Variants in IQCK observed in about 807,000 individuals in gnomAD.
IQCK encodes the protein IQ motif containing K, also known as IQ domain-containing protein K.
In IQCK, 29 loss-of-function variants were observed where a neutral mutation model predicts 28.1. The observed-to-expected ratio is 1.03, with a 90% CI of 0.77 to 1.41. The LOEUF is 1.41. IQCK is among the 40% of genes most tolerant of loss of function. IQCK has a pLI of 0.00. For missense variants in IQCK, 359 were observed against 314.7 expected, an observed-to-expected ratio of 1.14 and a Z score of -1.07; for synonymous variants, 113 against 115.1, an observed-to-expected ratio of 0.98 and a Z score of 0.12.
chr16:19,825,208 G>T lies in IQCK; in HGVS notation c.691-1818G>T, dbSNP rs2056131064. 5.9e-5 allele frequency among the ~76,000 whole-genome samples: 9 copies of T among 152,104 alleles called. No homozygotes were observed. The highest frequency in any genetic ancestry group is 4.6e-4 in the Admixed American group (7 of 15,264). On this transcript the variant is annotated intron_variant, in intron 7 of 7. Coordinates refer to ENST00000564186, the Ensembl canonical transcript of IQCK. This position sits in a 1 kb window ranked among gnomAD's most constrained non-coding sequence, Gnocchi z 4.2. ...GGAGATAATCATTCCTGCCTTATTG[G>T]CTTGGCTTAGTGATTCAAATTTGTA... is the stretch of plus-strand genomic sequence containing the variant.
intron 6 of IQCK, among the ~76,000 whole-genome samples, chr16:19,773,825 G>A (rs1455335003): frequency 6.6e-6 from 1 of 152,206 alleles, no homozygotes; most frequent in Non-Finnish European, 1.5e-5. Context: ...TAAGTAGTAG[G>A]TGGGAAAGAT....
chr16:19,734,444 A>C (rs1286462107), intron 3 of IQCK, among the ~76,000 whole-genome samples: 1 of 139,804 alleles, frequency 7.2e-6, no homozygotes, highest in Non-Finnish European at 1.5e-5. Context: ...TGGGCAACAG[A>C]CTAAGACTCC....
intron 9 of IQCK, among the ~76,000 whole-genome samples, chr16:19,840,740 G>A (rs1366050073): frequency 6.6e-6 from 1 of 152,146 alleles, no homozygotes; most frequent in African/African-American, 2.4e-5. Context: ...CAAAAACATA[G>A]CAGAACCAAG....
intron 9 of IQCK, among the ~76,000 whole-genome samples, chr16:19,844,739 A>G (rs1398253211): frequency 6.6e-6 from 1 of 152,186 alleles, no homozygotes; most frequent in East Asian, 1.9e-4. Context: ...CATGTTTGGT[A>G]AAAACAATAA....
chr16:19,727,413 C>G (rs1042424341), intron 1 of IQCK, among the ~76,000 whole-genome samples: 9 of 151,996 alleles, frequency 5.9e-5, no homozygotes, highest in African/African-American at 2.2e-4. Context: ...ACGGTGAAAC[C>G]CCATCTCTAC....
intron 4 of IQCK, among the ~76,000 whole-genome samples, chr16:19,747,000 C>T (rs1196777964): frequency 6.6e-6 from 1 of 152,220 alleles, no homozygotes; most frequent in African/African-American, 2.4e-5. Flanking sequence ...AAGCATTGGT[C>T]AGGCATCGTG....
intron 1 of IQCK, among the ~76,000 whole-genome samples, chr16:19,729,097 T>C (rs569584926): frequency 6.6e-6 from 1 of 152,360 alleles, no homozygotes; most frequent in South Asian, 2.1e-4. Flanking sequence ...CTGTCAGTCA[T>C]GGTTGTTGCA....
At chr16:19,814,220 C>CAAAAA (rs71146272) in intron 7 of IQCK, among the ~76,000 whole-genome samples, 1 of 19,436 alleles carries the variant, frequency 5.1e-5, no homozygotes, top group Non-Finnish European at 1.0e-4. Context: ...AACTCTATCT[C>CAAAAA]AAAAAAAAAA....
intron 4 of IQCK, among the ~76,000 whole-genome samples, chr16:19,740,980 A>G (rs1422800505): frequency 6.6e-6 from 1 of 151,586 alleles, no homozygotes; most frequent in Non-Finnish European, 1.5e-5. Flanking sequence ...AAAAAAAAAA[A>G]AAAGAATATC....
chr16:19,730,719 ATCTATCTG>A (rs1364318679), intron 2 of IQCK, among the ~76,000 whole-genome samples: 1 of 148,298 alleles, frequency 6.7e-6, no homozygotes, highest in African/African-American at 2.6e-5. Flanking sequence ...TTGTCTGTCT[ATCTATCTG>A]TCTGTCTGTC....
intron 7 of IQCK, among the ~76,000 whole-genome samples, chr16:19,810,835 G>A (rs575718554): frequency 1.3e-5 from 2 of 151,906 alleles, no homozygotes; most frequent in South Asian, 4.2e-4. Flanking sequence ...AATGGGGATG[G>A]CAATAGTTTC....
chr16:19,824,176 C>T (rs1370295906), intron 7 of IQCK, among the ~76,000 whole-genome samples: 2 of 152,086 alleles, frequency 1.3e-5, no homozygotes, highest in East Asian at 3.9e-4. Context: ...GAATCAGTGG[C>T]AACCCTGAGC....
intron 7 of IQCK, among the ~76,000 whole-genome samples, chr16:19,812,749 G>A (rs1223212940): frequency 6.6e-6 from 1 of 152,066 alleles, no homozygotes; most frequent in African/African-American, 2.4e-5. Flanking sequence ...GTGGCAATTT[G>A]AGACTATAAA....
chr16:19,783,430 A>G (rs997223078), intron 6 of IQCK, among the ~76,000 whole-genome samples: 3 of 152,172 alleles, frequency 2.0e-5, no homozygotes, highest in African/African-American at 7.2e-5. Flanking sequence ...CCGTCTGAAC[A>G]TGCAAAAACG....
chr16:19,732,484 T>C lies in IQCK; in HGVS notation c.247-1214T>C, dbSNP rs529394332. 1.3e-3 allele frequency among the ~76,000 whole-genome samples: 196 copies of C among 152,268 alleles called. 1 individual carries two copies. The highest frequency in any genetic ancestry group is 4.4e-3 in the African/African-American group (181 of 41,560). On this transcript the variant is annotated intron_variant, in intron 2 of 7. Coordinates refer to ENST00000564186, the Ensembl canonical transcript of IQCK. Reference sequence around the variant, plus strand: ...GCGGCAGGAGGGTCTCTAAATCAACTTTTTCTTTCTTTCTTTTTGAGACAG... The same window carrying C: ...GCGGCAGGAGGGTCTCTAAATCAACCTTTTCTTTCTTTCTTTTTGAGACAG...
chr16:19,808,667 A>G (rs898228447), intron 7 of IQCK, among the ~76,000 whole-genome samples: 1 of 152,334 alleles, frequency 6.6e-6, no homozygotes, highest in Non-Finnish European at 1.5e-5. Context: ...GAGGAAAATG[A>G]AAATGCGGGG....
chr16:19,752,763 C>T (rs562444519), intron 4 of IQCK, among the ~76,000 whole-genome samples: 2 of 152,226 alleles, frequency 1.3e-5, no homozygotes, highest in East Asian at 3.9e-4. Context: ...GGGGCTTTGC[C>T]ATGTTGGCCA....
chr16:19,782,638 G>C (rs2055503629), intron 6 of IQCK, among the ~76,000 whole-genome samples: 1 of 151,758 alleles, frequency 6.6e-6, no homozygotes, highest in African/African-American at 2.4e-5. Context: ...AAAAAGAAAA[G>C]AGAAAGAGAG....
At chr16:19,776,061 A>G (rs1451090438) in intron 6 of IQCK, among the ~76,000 whole-genome samples, 5 of 151,464 alleles carry the variant, frequency 3.3e-5, no homozygotes, top group Non-Finnish European at 5.9e-5. Context: ...TTGTATTTTT[A>G]TTAGAGATGG....
Sources: gnomAD v4.1 joint callset for allele counts (sites outside exome capture counted in the v4.1 genomes callset) on GRCh38, gnomAD v4.1.1 for gene constraint, Gnocchi (gnomAD v3.1) non-coding constraint, MANE v1.5 for transcripts, NCBI Gene and HGNC (gene_info 2026-07-23, HGNC 2026-07-21) for gene names.